LRRTM1: variants seen among roughly 807,000 people sequenced by gnomAD.
LRRTM1 encodes leucine-rich repeat transmembrane neuronal protein 1.
A neutral mutation model predicts 37.3 loss-of-function variants in LRRTM1; 8 were observed. That is an observed-to-expected ratio of 0.21 (90% CI 0.13 to 0.39). The LOEUF (loss-of-function observed/expected upper bound fraction) is 0.39, where lower values mean the gene tolerates loss of function less well. Ranked by LOEUF, LRRTM1 falls within the 10% of genes least tolerant of loss-of-function variation. LRRTM1 has a pLI of 1.00. For synonymous variants in LRRTM1, 326 were observed against 316.8 expected (o/e 1.03, Z -0.31); for missense variants, 557 against 691.0 (o/e 0.81, Z 2.17).
In LRRTM1 at chr2:80,302,723, C is replaced by G. The variant is rs375486677; in HGVS notation, c.1097G>C (p.Gly366Ala). Residue 366 changes from glycine to alanine, a missense_variant, in exon 2 of 2, where the codon GGG (glycine) becomes GCG (alanine). Gly to Ala is a moderately conservative substitution (Grantham distance 60). Around this residue, in one of 5 missense-constraint regions of LRRTM1, gnomAD observed 89 missense variants for 80.7 expected, o/e 1.10. Coordinates refer to ENST00000295057, the MANE Select transcript of LRRTM1 (RefSeq NM_178839.5). This position sits in a 1 kb window ranked among gnomAD's most constrained non-coding sequence, Gnocchi z 6.4. ...AVYAFHLCED[G>A]AEPTSGHLLS... ...CAGGTGGCCGCTGGTGGGCTCGGCC[C>G]CATCCTCGCACAGGTGGAAGGCGTA... The G allele has an allele frequency of 3.7e-6, 6 of 1,612,852 alleles. No homozygotes were observed. Among genetic ancestry groups the G allele is most frequent in the Middle Eastern group, 1.6e-4 (1 of 6,080 alleles).
At chr2:80,298,575 T>C (rs376547768), downstream of LRRTM1, 13 of 152,296 alleles carry the variant, frequency 8.5e-5, 1 homozygote, top group East Asian at 1.9e-3. Flanking sequence ...GTGTACTTGC[T>C]TGGAAAACTT....
intron 2 of LRRTM1, among the ~76,000 whole-genome samples, chr2:80,290,016 C>G (rs1263730751): frequency 6.6e-6 from 1 of 152,156 alleles, no homozygotes; most frequent in Admixed American, 6.5e-5. Flanking sequence ...TCACTCTCCT[C>G]CCACTGCCTT....
intron 2 of LRRTM1, among the ~76,000 whole-genome samples, chr2:80,291,215 G>A (rs1322387204): frequency 2.6e-5 from 4 of 152,220 alleles, no homozygotes; most frequent in African/African-American, 7.2e-5. Flanking sequence ...GAAGTTCATC[G>A]CTTTGCCTGT....
Position 80,302,572 on chromosome 2 carries a change from G to A in LRRTM1, c.1248C>T (p.Gly416=). ...FEPATVALPG[G]EHAENAVQIH... is the part of the protein sequence containing the mutation. ...TCTGCACGGCGTTCTCGGCGTGCTC[G>A]CCGCCTGGAAGAGCCACGGTGGCAG... The change falls in exon 2 of 2, where the codon GGC becomes GGT. Residue 416 remains glycine (G), a synonymous_variant. Transcript: ENST00000295057. This position sits in a 1 kb window ranked among gnomAD's most constrained non-coding sequence, Gnocchi z 6.4. 1 of 1,607,444 alleles carries A rather than the reference G, an allele frequency of 6.2e-7. No homozygotes were observed. The highest frequency in any genetic ancestry group is 1.1e-5 in the South Asian group (1 of 91,074).
At chr2:80,299,821 T>G (rs1676081299), downstream of LRRTM1, 1 of 152,188 alleles carries the variant, frequency 6.6e-6, no homozygotes, top group African/African-American at 2.4e-5. Context: ...GTTTTGCTTC[T>G]GAAAGCTTTC....
Position 80,301,936 on chromosome 2 carries a change from G to T in LRRTM1, c.*315C>A. The stretch of plus-strand genomic sequence containing the variant: ...GTTTACAAAAAAAAAAAAAATCAAT[G>T]ATTGGTACCTTTTTTACACTCTCAG... On this transcript the variant is annotated 3_prime_UTR_variant, in exon 2 of 2. Coordinates refer to ENST00000295057, the MANE Select transcript of LRRTM1 (RefSeq NM_178839.5). 8.4e-6 allele frequency: 2 copies of T among 236,756 alleles called. No homozygotes were observed. The highest frequency in any genetic ancestry group is 1.6e-5 in the Non-Finnish European group (2 of 124,150). 14.7% of individuals were successfully genotyped at this position (236,756 alleles called of 1,614,324 possible).
chr2:80,295,116 T>C (rs1483430318), intron 2 of LRRTM1, among the ~76,000 whole-genome samples: 1 of 151,984 alleles, frequency 6.6e-6, no homozygotes, highest in Non-Finnish European at 1.5e-5. Flanking sequence ...TCTCTTTCTC[T>C]CTCTTTCCCT....
chr2:80,301,380 C>G (rs1169360537), downstream of LRRTM1, among the ~76,000 whole-genome samples: 1 of 152,140 alleles, frequency 6.6e-6, no homozygotes, highest in African/African-American at 2.4e-5. Context: ...ACAAATGCTA[C>G]TAAGTCTGGT....
At chr2:80,289,649 T>G (rs1675065999) in intron 2 of LRRTM1, among the ~76,000 whole-genome samples, 1 of 152,174 alleles carries the variant, frequency 6.6e-6, no homozygotes, top group South Asian at 2.1e-4. Flanking sequence ...GCACATGCTC[T>G]CTGATAATCT....
rs769825975 is a variant in LRRTM1, at chr2:80,303,641, G to T, written c.179C>A (p.Ala60Glu). ...LYCEALNLTE[A>E]PHNLSGLLGL... The stretch of plus-strand genomic sequence containing the variant: ...CAGCAGGCCGGACAGGTTGTGGGGC[G>T]CCTCGGTGAGGTTGAGCGCCTCGCA... The change falls in exon 2 of 2, where the codon GCG becomes GAG. Residue 60 changes from alanine (A) to glutamate (E), a missense_variant. Transcript: ENST00000295057. The surrounding 1 kb of genome is among the most constrained non-coding windows in gnomAD (Gnocchi z 7.7). 2.5e-6 allele frequency: 4 copies of T among 1,613,408 alleles called. No individual in the cohort carries two copies. Among genetic ancestry groups the T allele is most frequent in the South Asian group, 2.2e-5 (2 of 91,036 alleles).
At chr2:80,301,708 A>C (rs1033752171), downstream of LRRTM1, among the ~76,000 whole-genome samples, 1 of 152,104 alleles carries the variant, frequency 6.6e-6, no homozygotes, top group Non-Finnish European at 1.5e-5. Context: ...CATTAATCTG[A>C]TAAGCTTTCT....
At chr2:80,289,848 C>T (rs906159913) in intron 2 of LRRTM1, among the ~76,000 whole-genome samples, 7 of 152,150 alleles carry the variant, frequency 4.6e-5, no homozygotes, top group African/African-American at 1.7e-4. Context: ...AGTGTACTTG[C>T]CTCCCTGCTC....
chr2:80,297,361 C>T (rs970791755), downstream of LRRTM1, among the ~76,000 whole-genome samples: 2 of 152,212 alleles, frequency 1.3e-5, no homozygotes, highest in African/African-American at 4.8e-5. Flanking sequence ...ATGTACCTGA[C>T]TTCTGTAAGC....
chr2:80,300,674 G>A (rs544488352), downstream of LRRTM1, among the ~76,000 whole-genome samples: 9 of 152,164 alleles, frequency 5.9e-5, no homozygotes, highest in East Asian at 3.9e-4. Context: ...TTTAGTGTCC[G>A]TTAGAGAGGG....
downstream of LRRTM1, among the ~76,000 whole-genome samples, chr2:80,300,949 G>GAA (rs34426087): frequency 7.7e-6 from 1 of 130,108 alleles, no homozygotes; most frequent in African/African-American, 2.8e-5. Context: ...TCTCAACACA[G>GAA]AAAAAAAAAA....
At position 80,303,352 on chromosome 2, in the gene LRRTM1, G is replaced by A; in HGVS notation, c.468C>T (p.Leu156=). Residue 156 remains leucine, a synonymous_variant, in exon 2 of 2, where the codon CTC becomes CTT. Coordinates refer to ENST00000295057, the MANE Select transcript of LRRTM1 (RefSeq NM_178839.5). The surrounding 1 kb of genome is among the most constrained non-coding windows in gnomAD (Gnocchi z 7.7). ...TGGTGAGCTTCCGCAGCCCGTGGAAGAGGTCGGGCGCGAGCGCCTGCAGCT... is the reference window on the plus strand; with the variant it reads ...TGGTGAGCTTCCGCAGCCCGTGGAAAAGGTCGGGCGCGAGCGCCTGCAGCT... ...YNKLQALAPD[L]FHGLRKLTTL... 6.2e-7 allele frequency: 1 copy of A among 1,614,068 alleles called. No individual in the cohort carries two copies. Among genetic ancestry groups the A allele is most frequent in the Non-Finnish European group, 8.5e-7 (1 of 1,180,044 alleles).
chr2:80,289,214 T>C (rs1167056974), intron 2 of LRRTM1: 1 of 152,012 alleles, frequency 6.6e-6, no homozygotes, highest in African/African-American at 2.4e-5. Context: ...AACCATAATA[T>C]TAAAATAAAT....
intron 2 of LRRTM1, among the ~76,000 whole-genome samples, chr2:80,292,506 T>C (rs570621338): frequency 6.6e-6 from 1 of 152,152 alleles, no homozygotes; most frequent in Non-Finnish European, 1.5e-5. Flanking sequence ...TTTGCAGGGC[T>C]TAAATGAGAA....
chr2:80,297,486 T>A (rs1675851000), downstream of LRRTM1, among the ~76,000 whole-genome samples: 1 of 152,166 alleles, frequency 6.6e-6, no homozygotes, highest in African/African-American at 2.4e-5. Context: ...ATCTCATTTA[T>A]ATCTTTGTCT....
Sources: allele counts gnomAD v4.1 joint callset (sites outside exome capture counted in the v4.1 genomes callset), GRCh38; gene constraint gnomAD v4.1.1; regional missense constraint gnomAD v4.1.1; non-coding constraint Gnocchi (gnomAD v3.1); transcripts MANE v1.5; gene names NCBI Gene and HGNC (gene_info 2026-07-23, HGNC 2026-07-21).